Variants in TENM3 observed in about 807,000 individuals in gnomAD.
TENM3 encodes the protein teneurin transmembrane protein 3.
In TENM3, 63 loss-of-function variants were observed where a neutral mutation model predicts 255.1. The ratio of observed to expected loss-of-function variants is 0.25; its 90% confidence interval spans 0.20 to 0.30. The LOEUF is 0.30. TENM3 is among the 10% of genes least tolerant of loss of function. The pLI is 1.00. For missense variants in TENM3, 2,929 were observed against 3,461.1 expected (o/e 0.85, Z 3.86); for synonymous variants, 1,306 against 1,322.3 (o/e 0.99, Z 0.27).
At chr4:182,189,450 A>G (rs1486483468) in intron 1 of TENM3, among the ~76,000 whole-genome samples, 1 of 152,158 alleles carries the variant, frequency 6.6e-6, no homozygotes, top group Non-Finnish European at 1.5e-5. Flanking sequence ...ACTTATTTAG[A>G]TGTATGCACA....
At chr4:181,938,803 T>C in the TENM3 span, among the ~76,000 whole-genome samples, 2 of 152,204 alleles carry the variant, frequency 1.3e-5, no homozygotes, top group Non-Finnish European at 2.9e-5. Context: ...AAAGCAATAT[T>C]TCAACCCTAA....
chr4:182,531,225 C>T (rs2151839986), intron 3 of TENM3, among the ~76,000 whole-genome samples: 1 of 152,218 alleles, frequency 6.6e-6, no homozygotes, highest in African/African-American at 2.4e-5. Context: ...ATAAGAAATG[C>T]TAACACTGTT....
Position 182,729,044 on chromosome 4 carries a change from G to A in TENM3, c.2448G>A (p.Pro816=), listed in dbSNP as rs370217002. 1.5e-5 allele frequency: 24 copies of A among 1,613,822 alleles called. No homozygotes were observed. The highest frequency in any genetic ancestry group is 6.7e-5 in the African/African-American group (5 of 74,914). ...CQNQPYCRGL[P]DPQDIISQSL... is the part of the protein sequence containing the mutation. ...ATCAGCCCTATTGTCGGGGACTGCC[G>A]GATCCTCAGGACATCATTAGCCAAA... The change falls in exon 14 of 28, where the codon CCG becomes CCA. Residue 816 remains proline (P), a synonymous_variant. Transcript: ENST00000511685.
chr4:182,306,867 T>C lies in TENM3; in HGVS notation c.-75-17079T>C, dbSNP rs994202177. 2.0e-5 allele frequency among the ~76,000 whole-genome samples: 3 copies of C among 152,198 alleles called. No homozygotes were observed. The East Asian group carries it at 5.8e-4, about 29-fold the overall frequency. ...TAGGGGAGCTCAGTGTTGAAACTAC[T>C]CAATTGAATGCTGCAATTTCCCATA... On this transcript the variant is annotated intron_variant, in intron 1 of 27. Transcript: ENST00000511685.
chr4:181,845,482 A>G, the TENM3 span, among the ~76,000 whole-genome samples: 1 of 152,218 alleles, frequency 6.6e-6, no homozygotes, highest in Admixed American at 6.5e-5. Context: ...TGGATGGGGA[A>G]GGAAATATAT....
the TENM3 span, among the ~76,000 whole-genome samples, chr4:181,628,808 G>A: frequency 7.9e-5 from 12 of 152,282 alleles, no homozygotes; most frequent in Non-Finnish European, 1.5e-4. Flanking sequence ...GATTGACTTG[G>A]CAGTGCGGCC....
chr4:182,732,077 G>T (rs976519481), intron 16 of TENM3, among the ~76,000 whole-genome samples: 30 of 151,498 alleles, frequency 2.0e-4, no homozygotes, highest in Non-Finnish European at 7.4e-5. Context: ...CACCGCACCC[G>T]GCCTTTCTAG....
the TENM3 span, among the ~76,000 whole-genome samples, chr4:182,032,708 T>G: frequency 6.6e-6 from 1 of 152,270 alleles, no homozygotes; most frequent in South Asian, 2.1e-4. Context: ...ATAGACTATT[T>G]ATTACTGCCT....
chr4:182,258,130 A>T (rs972177646), intron 1 of TENM3, among the ~76,000 whole-genome samples: 1 of 152,186 alleles, frequency 6.6e-6, no homozygotes, highest in African/African-American at 2.4e-5. Context: ...ATATAGAATC[A>T]TGTATATAGC....
At chr4:182,123,998 A>G in the TENM3 span, among the ~76,000 whole-genome samples, 3 of 152,162 alleles carry the variant, frequency 2.0e-5, no homozygotes, top group Non-Finnish European at 2.9e-5. Flanking sequence ...AGTTAATTTT[A>G]GAGTTCAGGA....
At chr4:181,838,833 G>C in the TENM3 span, among the ~76,000 whole-genome samples, 12 of 151,714 alleles carry the variant, frequency 7.9e-5, no homozygotes, top group Non-Finnish European at 1.5e-4. Flanking sequence ...TGAAAAAATT[G>C]TTGGCTTTAT....
chr4:181,923,985 G>A, the TENM3 span, among the ~76,000 whole-genome samples: 1 of 152,100 alleles, frequency 6.6e-6, no homozygotes, highest in Non-Finnish European at 1.5e-5. Flanking sequence ...GGGAAAGACA[G>A]TCCCCCCTCA....
chr4:182,062,994 C>T, the TENM3 span, among the ~76,000 whole-genome samples: 2 of 152,154 alleles, frequency 1.3e-5, no homozygotes, highest in East Asian at 1.9e-4. Context: ...CAAGACTGTG[C>T]TTTTGTACTT....
At chr4:181,542,234 G>A in the TENM3 span, among the ~76,000 whole-genome samples, 1 of 152,156 alleles carries the variant, frequency 6.6e-6, no homozygotes, top group Non-Finnish European at 1.5e-5. Flanking sequence ...AGCATTTTAG[G>A]TACAGGGAAA....
intron 3 of TENM3, among the ~76,000 whole-genome samples, chr4:182,515,091 C>T (rs548741868): frequency 4.3e-4 from 65 of 152,206 alleles, no homozygotes; most frequent in East Asian, 1.4e-3. Flanking sequence ...TCATTTAAGC[C>T]GTCACTGATG....
chr4:182,114,899 C>T, the TENM3 span, among the ~76,000 whole-genome samples: 63 of 152,074 alleles, frequency 4.1e-4, no homozygotes, highest in Admixed American at 8.5e-4. Flanking sequence ...TCCACAAATC[C>T]AGCCAGGCAA....
the TENM3 span, among the ~76,000 whole-genome samples, chr4:181,602,603 CTT>C: frequency 1.3e-5 from 2 of 152,080 alleles, no homozygotes; most frequent in African/African-American, 2.4e-5. Context: ...GTCATCCACT[CTT>C]GAGAACTATT....
chr4:182,015,711 C>T, the TENM3 span, among the ~76,000 whole-genome samples: 3 of 152,018 alleles, frequency 2.0e-5, no homozygotes, highest in Non-Finnish European at 4.4e-5. Flanking sequence ...CGGGCATGCA[C>T]CACCACACCC....
In TENM3 at chr4:182,735,254, G is replaced by A. The variant is rs569785382; in HGVS notation, c.2968-1554G>A. Reference sequence around the variant, plus strand: ...GGAAAACTCCAATGGTAATAAATTCGTGTATCTACATTAGAAATGCCTCTT... The same window carrying A: ...GGAAAACTCCAATGGTAATAAATTCATGTATCTACATTAGAAATGCCTCTT... On this transcript the variant is annotated intron_variant, in intron 16 of 27. Transcript: ENST00000511685. Among the ~76,000 whole-genome samples the A allele has an allele frequency of 7.2e-5, 11 of 152,234 alleles. No individual in the cohort carries two copies. The South Asian group carries it at 1.9e-3, about 26-fold the overall frequency.
Sources: gnomAD v4.1 joint callset for allele counts (sites outside exome capture counted in the v4.1 genomes callset) on GRCh38, gnomAD v4.1.1 for gene constraint, MANE v1.5 for transcripts, NCBI Gene and HGNC (gene_info 2026-07-23, HGNC 2026-07-21) for gene names.